The following PDLIM7 variants were observed in gnomAD, a reference collection of about 807,000 sequenced individuals.
PDLIM7 encodes the protein PDZ and LIM domain 7.
In PDLIM7, 37 loss-of-function variants were observed where a neutral mutation model predicts 53.9. That is an observed-to-expected ratio of 0.69 (90% CI 0.53 to 0.90). The LOEUF (loss-of-function observed/expected upper bound fraction) is 0.90. PDLIM7 is among the 40% of genes least tolerant of loss of function. PDLIM7 has a pLI of 0.00. For missense variants in PDLIM7, 617 were observed against 638.5 expected (o/e 0.97, Z 0.36); for synonymous variants, 300 against 261.3 (o/e 1.15, Z -1.43).
In PDLIM7 at chr5:177,489,517, G is replaced by A. The variant is rs1173053614; in HGVS notation, c.745C>T (p.Pro249Ser). 6.2e-7 allele frequency: 1 copy of A among 1,608,830 alleles called. No homozygotes were observed. The highest frequency in any genetic ancestry group is 1.7e-5 in the Admixed American group (1 of 59,462). The change falls in exon 9 of 13, where the codon CCG becomes TCG. Residue 249 changes from proline (P) to serine (S), a missense_variant. Coordinates refer to ENST00000355841, the MANE Select transcript of PDLIM7 (RefSeq NM_005451.5). Reference sequence around the variant, plus strand: ...CTCTGCAGCGGCGTGGGCGTGGCCGGCTGGCTGTGCCGGGTCAGCACTGTG... The same window carrying A: ...CTCTGCAGCGGCGTGGGCGTGGCCGACTGGCTGTGCCGGGTCAGCACTGTG... The part of the protein sequence containing the change: ...TSTVLTRHSQ[P>S]ATPTPLQSRT...
chr5:177,491,997 T>C (rs1222405928), intron 4 of PDLIM7, 72 bp from the exon 5 acceptor site: 1 of 686,028 alleles, frequency 1.5e-6, no homozygotes, highest in Non-Finnish European at 2.2e-6. Flanking sequence ...GTGGGGCGCC[T>C]GCAGCAGAGG....
At chr5:177,496,363 G>A in intron 2 of PDLIM7, 54 bp downstream of exon 2, 3 of 1,334,882 alleles carry the variant, frequency 2.2e-6, no homozygotes, top group Non-Finnish European at 3.0e-6. Flanking sequence ...ACCCTCTGGA[G>A]ACCTAAGCAC....
At position 177,483,528 on chromosome 5, in the gene PDLIM7, C is replaced by A. The variant is rs1454512944; in HGVS notation, c.*116G>T. 140 of 720,078 alleles carry A rather than the reference C, an allele frequency of 1.9e-4. No individual in the cohort carries two copies. Among genetic ancestry groups the A allele is most frequent in the Non-Finnish European group, 1.9e-5 (8 of 430,546 alleles). The allele number at this position is 720,078 out of a possible 1,614,324, so 44.6% of individuals were successfully genotyped here. A position where few individuals can be genotyped will look rare whatever the true frequency, so the allele number is the denominator to read the frequency against. ...GGGGCAGGGCCCAGGGAGCCCCAGG[C>A]TCGGGCCAGGAGCCAGGGTTAAGGC... On this transcript the variant is annotated 3_prime_UTR_variant, in exon 13 of 13. Transcript: ENST00000355841.
intron 2 of PDLIM7, among the ~76,000 whole-genome samples, chr5:177,494,653 G>A (rs1758974057): frequency 6.6e-6 from 1 of 152,166 alleles, no homozygotes; most frequent in Non-Finnish European, 1.5e-5. Flanking sequence ...AGGGCAGCAG[G>A]AGAGCAGAAG....
In PDLIM7 at chr5:177,489,516, G is replaced by T. The variant is rs367669909; in HGVS notation, c.746C>A (p.Pro249Gln). The change falls in exon 9 of 13, where the codon CCG becomes CAG. Residue 249 changes from proline (P) to glutamine (Q), a missense_variant. Physicochemically the swap from Pro to Gln is moderately conservative, Grantham distance 76. Transcript: ENST00000355841. ...TSTVLTRHSQPATPTPLQSRT... is the reference protein window; with the variant it reads ...TSTVLTRHSQQATPTPLQSRT... Reference sequence around the variant, plus strand: ...GCTCTGCAGCGGCGTGGGCGTGGCCGGCTGGCTGTGCCGGGTCAGCACTGT... The same window carrying T: ...GCTCTGCAGCGGCGTGGGCGTGGCCTGCTGGCTGTGCCGGGTCAGCACTGT... 12 of 1,608,752 alleles carry T rather than the reference G, an allele frequency of 7.5e-6. No individual in the cohort carries two copies. Among genetic ancestry groups the T allele is most frequent in the Non-Finnish European group, 1.0e-5 (12 of 1,178,344 alleles).
At position 177,489,463 on chromosome 5, in the gene PDLIM7, C is replaced by A; in HGVS notation, c.799G>T (p.Gly267Ter). 1 of 1,604,808 alleles carries A rather than the reference C, an allele frequency of 6.2e-7. No homozygotes were observed. Among genetic ancestry groups the A allele is most frequent in the East Asian group, 2.2e-5 (1 of 44,620 alleles). Residue 267 changes from glycine (G) to a stop codon, truncating the protein, a stop_gained, in exon 9 of 13, where the codon GGA (glycine) becomes TGA (stop). Transcript: ENST00000355841. LOFTEE classifies it high-confidence loss of function. ...TTGCTGCCCCCTCCTGGCACCCCTCCGGCAGCTGCCTGCACAATGGAGGTG... is the reference window on the plus strand; with the variant it reads ...TTGCTGCCCCCTCCTGGCACCCCTCAGGCAGCTGCCTGCACAATGGAGGTG... ...SRTSIVQAAA[G>*]GVPGGGSNNG...
At position 177,484,852 on chromosome 5, in the gene PDLIM7, A is replaced by G. The variant is rs754924757; in HGVS notation, c.1051-662T>C. The G allele has an allele frequency of 1.4e-3, 220 of 154,116 alleles. 1 individual carries two copies. The highest frequency in any genetic ancestry group is 1.2e-3 in the Non-Finnish European group (82 of 69,302). 9.5% of individuals were successfully genotyped at this position (154,116 alleles called of 1,614,324 possible). A position where few individuals can be genotyped will look rare whatever the true frequency, so the allele number is the denominator to read the frequency against. Reference sequence around the variant, plus strand: ...TTGCGTTCTCACCTTGCCTCTGCACACTGGCCTCTTGCCTGAAACTGGCAC... The same window carrying G: ...TTGCGTTCTCACCTTGCCTCTGCACGCTGGCCTCTTGCCTGAAACTGGCAC... On this transcript the variant is annotated intron_variant, in intron 10 of 12. Coordinates refer to ENST00000355841, the MANE Select transcript of PDLIM7 (RefSeq NM_005451.5).
intron 5 of PDLIM7, 149 bp downstream of exon 5, chr5:177,491,658 T>C (rs1758790558): frequency 1.6e-6 from 1 of 610,766 alleles, no homozygotes; most frequent in Non-Finnish European, 2.8e-6. Flanking sequence ...AGGGGCCCTG[T>C]GCCTGCAGCC....
Position 177,484,158 on chromosome 5 carries a change from G to C in PDLIM7, c.1083C>G (p.His361Gln). 6.2e-7 allele frequency: 1 copy of C among 1,613,862 alleles called. No homozygotes were observed. The highest frequency in any genetic ancestry group is 8.5e-7 in the Non-Finnish European group (1 of 1,179,978). Reference sequence around the variant, plus strand: ...AGGCAGCACAGGTAAAGCAGTGCACGTGCCAGGTCATCTTCAGGGCGTGCA... The same window carrying C: ...AGGCAGCACAGGTAAAGCAGTGCACCTGCCAGGTCATCTTCAGGGCGTGCA... ...EIMHALKMTW[H>Q]VHCFTCAACK... The change falls in exon 11 of 13, where the codon CAC becomes CAG. Residue 361 changes from histidine to glutamine, a missense_variant. Physicochemically the swap from His to Gln is conservative, Grantham distance 24. Coordinates refer to ENST00000355841, the MANE Select transcript of PDLIM7 (RefSeq NM_005451.5).
intron 7 of PDLIM7, 152 bp from the exon 8 acceptor site, chr5:177,489,984 G>A (rs1056430478): frequency 5.2e-6 from 8 of 1,535,466 alleles, no homozygotes; most frequent in Non-Finnish European, 6.1e-6. Flanking sequence ...GGGATGGGAA[G>A]GGCAGCTTCT....
At chr5:177,487,461 G>A in intron 10 of PDLIM7, among the ~76,000 whole-genome samples, 1 of 152,232 alleles carries the variant, frequency 6.6e-6, no homozygotes, top group East Asian at 1.9e-4. Context: ...TGGAAGGTGA[G>A]CATTTTGGCG....
chr5:177,489,893 C>T (rs987535946), intron 7 of PDLIM7, 61 bp from the exon 8 acceptor site: 5 of 1,545,362 alleles, frequency 3.2e-6, no homozygotes, highest in Non-Finnish European at 3.5e-6. Flanking sequence ...CCCCACCCCC[C>T]AACCTGGGTC....
intron 1 of PDLIM7, 91 bp from the exon 2 acceptor site, chr5:177,496,614 G>C: frequency 1.2e-6 from 1 of 813,046 alleles, no homozygotes; most frequent in Non-Finnish European, 1.8e-6. Context: ...CTTGGACAGG[G>C]GCCAGGCAGG....
chr5:177,490,453 A>T lies in PDLIM7; in HGVS notation c.572+417T>A, dbSNP rs767463122. 5.9e-6 allele frequency: 9 copies of T among 1,538,066 alleles called. No individual in the cohort carries two copies. The South Asian group carries it at 1.1e-4, about 18-fold the overall frequency. On this transcript the variant is annotated intron_variant, in intron 7 of 12. Coordinates refer to ENST00000355841, the MANE Select transcript of PDLIM7 (RefSeq NM_005451.5). Reference sequence around the variant, plus strand: ...AGGGGGTGCCCTGGGCAGGAGGAACAGAAAGAGGGAGGCAGAGAGGGCAGC... The same window carrying T: ...AGGGGGTGCCCTGGGCAGGAGGAACTGAAAGAGGGAGGCAGAGAGGGCAGC...
At position 177,495,667 on chromosome 5, in the gene PDLIM7, C is replaced by T. The variant is rs551181556; in HGVS notation, c.96+750G>A. ...GCAGACCGCAGCCACTGTTGGCCAT[C>T]CCAGCGTGGGGCTGCATTCTTGGGC... On this transcript the variant is annotated intron_variant, in intron 2 of 12. Coordinates refer to ENST00000355841, the MANE Select transcript of PDLIM7 (RefSeq NM_005451.5). 4.5e-4 allele frequency among the ~76,000 whole-genome samples: 68 copies of T among 152,310 alleles called. 2 individuals are homozygous for T. The South Asian group carries it at 0.014, about 31-fold the overall frequency.
At chr5:177,489,357 G>A (rs1758620353) in intron 9 of PDLIM7, 36 bp downstream of exon 9, 1 of 1,459,100 alleles carries the variant, frequency 6.9e-7, no homozygotes, top group African/African-American at 1.4e-5. Flanking sequence ...GCTGCAGGAT[G>A]GGAAAGCCAG....
chr5:177,484,284 C>G (rs2127409369), intron 10 of PDLIM7, 94 bp from the exon 11 acceptor site: 2 of 1,486,250 alleles, frequency 1.3e-6, no homozygotes, highest in East Asian at 4.5e-5. Flanking sequence ...AAGCCCTGTT[C>G]CTTCTCGCGG....
chr5:177,486,412 G>A (rs954178351), intron 10 of PDLIM7, among the ~76,000 whole-genome samples: 5 of 152,102 alleles, frequency 3.3e-5, no homozygotes, highest in African/African-American at 9.7e-5. Flanking sequence ...TCTCTTCAGT[G>A]AGGCCCAGAG....
intron 5 of PDLIM7, chr5:177,491,561 C>A: frequency 1.3e-6 from 1 of 758,446 alleles, no homozygotes; most frequent in Admixed American, 2.1e-5. Context: ...GACACCACAA[C>A]CCAACCCCCA....
Sources: gnomAD v4.1 joint callset for allele counts (sites outside exome capture counted in the v4.1 genomes callset) on GRCh38, gnomAD v4.1.1 for gene constraint, MANE v1.5 for transcripts, NCBI Gene and HGNC (gene_info 2026-07-23, HGNC 2026-07-21) for gene names.